GSK3B: variants seen among roughly 807,000 people sequenced by gnomAD.
GSK3B encodes glycogen synthase kinase 3 beta, also known as glycogen synthase kinase-3 beta.
A neutral mutation model predicts 56.4 loss-of-function variants in GSK3B; 15 were observed. The observed-to-expected ratio is 0.27, with a 90% CI of 0.18 to 0.41. GSK3B has a LOEUF of 0.41. Ranked by LOEUF, GSK3B falls within the 10% of genes least tolerant of loss-of-function variation. GSK3B has a pLI of 1.00. For missense variants in GSK3B, 300 were observed against 513.4 expected (o/e 0.58, Z 4.02); for synonymous variants, 181 against 188.9 (o/e 0.96, Z 0.34).
At chr3:119,843,402 T>A (rs1371873199) in intron 9 of GSK3B, 49 bp from the exon 10 acceptor site, 2 of 1,007,424 alleles carry the variant, frequency 2.0e-6, no homozygotes, top group Non-Finnish European at 3.1e-6. Flanking sequence ...TAACTTTGTA[T>A]GCAAAACTAT....
chr3:120,063,304 C>T (rs948975900), intron 1 of GSK3B, among the ~76,000 whole-genome samples: 1 of 152,146 alleles, frequency 6.6e-6, no homozygotes, highest in African/African-American at 2.4e-5. Context: ...GGTAAAATAT[C>T]TTTATGATAA....
chr3:120,059,548 T>C (rs993899865), intron 1 of GSK3B, among the ~76,000 whole-genome samples: 12 of 152,206 alleles, frequency 7.9e-5, no homozygotes, highest in African/African-American at 2.7e-4. Context: ...TTCACTTTTT[T>C]ACAACTTCCG....
intron 1 of GSK3B, among the ~76,000 whole-genome samples, chr3:120,083,083 T>C (rs905970275): frequency 1.3e-5 from 2 of 151,884 alleles, no homozygotes; most frequent in African/African-American, 2.4e-5. Flanking sequence ...ATCTAGATAC[T>C]GCAAGGGTGA....
chr3:120,000,590 T>C (rs1422740361), intron 2 of GSK3B, among the ~76,000 whole-genome samples: 2 of 152,144 alleles, frequency 1.3e-5, no homozygotes, highest in African/African-American at 2.4e-5. Flanking sequence ...ACTAAAATGT[T>C]GCAGAGGTTG....
chr3:119,995,252 A>T (rs1159630012), intron 2 of GSK3B, among the ~76,000 whole-genome samples: 1 of 151,872 alleles, frequency 6.6e-6, no homozygotes, highest in African/African-American at 2.4e-5. Context: ...GAGAATCGCT[A>T]AAGCCTAGGA....
chr3:119,912,793 C>A lies in GSK3B; in HGVS notation c.626G>T (p.Arg209Leu), dbSNP rs1371764974. Residue 209 changes from arginine (R) to leucine (L), a missense_variant, in exon 6 of 11, where the codon CGA becomes CTA. Coordinates refer to ENST00000264235, the MANE Select transcript of GSK3B (RefSeq NM_001146156.2). ...GATATACGAAACATTGGGTTCTCCT[C>A]GGACCAGCTGCTTTGCACTAACAGA... is the stretch of plus-strand genomic sequence containing the variant. ...CDFGSAKQLV[R>L]GEPNVSYICS... is the part of the protein sequence containing the mutation. 6.3e-7 allele frequency: 1 copy of A among 1,584,022 alleles called. No individual in the cohort carries two copies. The highest frequency in any genetic ancestry group is 1.7e-5 in the Admixed American group (1 of 59,730).
In GSK3B at chr3:119,912,750, C is replaced by T. The variant is rs771140894; in HGVS notation, c.669G>A (p.Arg223=). ...NVSYICSRYY[R]APELIFGATD... is the part of the protein sequence containing the mutation. ...TGGCTCCAAAGATCAACTCTGGTGCCCTATAGTACCGAGAACAGATATACG... is the reference window on the plus strand; with the variant it reads ...TGGCTCCAAAGATCAACTCTGGTGCTCTATAGTACCGAGAACAGATATACG... The change falls in exon 6 of 11, where the codon AGG becomes AGA. Residue 223 remains arginine, a synonymous_variant. Transcript: ENST00000264235. 6.3e-7 allele frequency: 1 copy of T among 1,598,520 alleles called. No individual in the cohort carries two copies. The highest frequency in any genetic ancestry group is 8.6e-7 in the Non-Finnish European group (1 of 1,167,904).
intron 1 of GSK3B, among the ~76,000 whole-genome samples, chr3:120,036,887 A>G (rs1449662098): frequency 6.6e-6 from 1 of 152,276 alleles, no homozygotes; most frequent in East Asian, 1.9e-4. Flanking sequence ...TGCTACAATA[A>G]AAGTTTTAGA....
intron 4 of GSK3B, among the ~76,000 whole-genome samples, chr3:119,919,741 C>A (rs934808747): frequency 8.6e-5 from 13 of 151,568 alleles, no homozygotes; most frequent in African/African-American, 2.9e-4. Context: ...ACCAAAAAAA[C>A]CACAACAAAA....
chr3:119,923,572 T>G, intron 3 of GSK3B, 89 bp from the exon 4 acceptor site: 1 of 543,946 alleles, frequency 1.8e-6, no homozygotes, highest in African/African-American at 1.9e-5. Flanking sequence ...CTCTAGATAT[T>G]TACTTATTCG....
At chr3:119,996,964 GA>G (rs1435456127) in intron 2 of GSK3B, among the ~76,000 whole-genome samples, 1 of 151,854 alleles carries the variant, frequency 6.6e-6, no homozygotes, top group Admixed American at 6.6e-5. Flanking sequence ...AAAACCGACT[GA>G]ATATTATCAT....
intron 9 of GSK3B, among the ~76,000 whole-genome samples, chr3:119,848,743 G>A (rs2055889614): frequency 6.6e-6 from 1 of 152,096 alleles, no homozygotes; most frequent in African/African-American, 2.4e-5. Context: ...CATACTAAAT[G>A]ATATCAGATT....
chr3:120,038,537 T>C (rs1201424663), intron 1 of GSK3B, among the ~76,000 whole-genome samples: 1 of 152,122 alleles, frequency 6.6e-6, no homozygotes, highest in East Asian at 1.9e-4. Flanking sequence ...AAAAAACATG[T>C]GCATCATTGA....
intron 7 of GSK3B, among the ~76,000 whole-genome samples, chr3:119,899,715 T>A (rs1296988752): frequency 6.6e-6 from 1 of 152,124 alleles, no homozygotes; most frequent in African/African-American, 2.4e-5. Flanking sequence ...TGAAAGCAAC[T>A]ACTTTTTCAT....
chr3:120,069,829 A>T (rs2058311446), intron 1 of GSK3B, among the ~76,000 whole-genome samples: 1 of 152,180 alleles, frequency 6.6e-6, no homozygotes, highest in Non-Finnish European at 1.5e-5. Context: ...CCCTAGTGAC[A>T]ACTGCAACTT....
chr3:119,874,075 T>C (rs1035440053), intron 8 of GSK3B, among the ~76,000 whole-genome samples: 1 of 152,178 alleles, frequency 6.6e-6, no homozygotes, highest in African/African-American at 2.4e-5. Context: ...ACAGCATACA[T>C]ATTTAGTACA....
At chr3:120,006,626 A>G (rs191929852) in intron 1 of GSK3B, among the ~76,000 whole-genome samples, 2 of 152,348 alleles carry the variant, frequency 1.3e-5, no homozygotes, top group East Asian at 3.9e-4. Flanking sequence ...AAAACCACAC[A>G]ACTGCATGGA....
intron 1 of GSK3B, among the ~76,000 whole-genome samples, chr3:120,033,370 C>T (rs1340144988): frequency 2.0e-5 from 3 of 152,144 alleles, no homozygotes; most frequent in African/African-American, 7.2e-5. Context: ...TATGGTAACT[C>T]TATGTGTGTA....
intron 7 of GSK3B, among the ~76,000 whole-genome samples, chr3:119,888,879 C>T (rs140017247): frequency 2.6e-5 from 4 of 152,122 alleles, no homozygotes; most frequent in Non-Finnish European, 4.4e-5. Context: ...GACTGAAATC[C>T]GCCCTGGTCT....
Sources: gnomAD v4.1 joint callset for allele counts (sites outside exome capture counted in the v4.1 genomes callset) on GRCh38, gnomAD v4.1.1 for gene constraint, MANE v1.5 for transcripts, NCBI Gene and HGNC (gene_info 2026-07-23, HGNC 2026-07-21) for gene names.